Variants in PTPRG observed in about 807,000 individuals in gnomAD.
PTPRG encodes the protein protein tyrosine phosphatase receptor type G, also known as receptor-type tyrosine-protein phosphatase gamma.
In PTPRG, 102 loss-of-function variants were observed where a neutral mutation model predicts 165.3. That is an observed-to-expected ratio of 0.62 (90% CI 0.53 to 0.73). The LOEUF (loss-of-function observed/expected upper bound fraction) is 0.73, where lower values mean the gene tolerates loss of function less well. Among genes scored for constraint, PTPRG ranks in the 30% least tolerant of loss-of-function variants. PTPRG has a pLI of 0.00. For missense variants in PTPRG, 1,866 were observed against 1,861.4 expected, an observed-to-expected ratio of 1.00 and a Z score of -0.05; for synonymous variants, 675 against 669.5, an observed-to-expected ratio of 1.01 and a Z score of -0.13.
chr3:61,958,475 A>G (rs1308131212), intron 2 of PTPRG, among the ~76,000 whole-genome samples: 3 of 152,156 alleles, frequency 2.0e-5, no homozygotes, highest in Non-Finnish European at 4.4e-5. Flanking sequence ...CAACCTAGTA[A>G]TGCTGCCTGT....
chr3:62,022,105 A>C (rs1381041427), intron 4 of PTPRG, among the ~76,000 whole-genome samples: 1 of 152,156 alleles, frequency 6.6e-6, no homozygotes, highest in East Asian at 1.9e-4. Flanking sequence ...GAAAACTCAC[A>C]GCCAAGGCTG....
At chr3:61,578,785 C>A (rs1700220258) in intron 1 of PTPRG, among the ~76,000 whole-genome samples, 1 of 152,270 alleles carries the variant, frequency 6.6e-6, no homozygotes, top group South Asian at 2.1e-4. Flanking sequence ...GGGAGGGATG[C>A]AAAGGCACAG....
chr3:61,645,020 C>G (rs1439150318), intron 1 of PTPRG, among the ~76,000 whole-genome samples: 1 of 152,108 alleles, frequency 6.6e-6, no homozygotes, highest in East Asian at 1.9e-4. Context: ...TGAAGAGGCT[C>G]CTGATCTTGG....
At chr3:61,970,079 CATAA>C (rs1484033569) in intron 2 of PTPRG, among the ~76,000 whole-genome samples, 1 of 152,072 alleles carries the variant, frequency 6.6e-6, no homozygotes, top group Non-Finnish European at 1.5e-5. Flanking sequence ...TGACATCAGT[CATAA>C]ATATTCTTAA....
chr3:61,964,876 C>T (rs922938492), intron 2 of PTPRG, among the ~76,000 whole-genome samples: 4 of 152,030 alleles, frequency 2.6e-5, no homozygotes, highest in African/African-American at 7.2e-5. Context: ...GAAACGCAGT[C>T]TAGATTAGTA....
chr3:61,594,750 T>C (rs1700654238), intron 1 of PTPRG, among the ~76,000 whole-genome samples: 1 of 152,320 alleles, frequency 6.6e-6, no homozygotes, highest in Non-Finnish European at 1.5e-5. Context: ...TGCATGTTGG[T>C]AATTTATATA....
At chr3:62,126,530 A>T (rs1703298509) in intron 5 of PTPRG, among the ~76,000 whole-genome samples, 1 of 152,198 alleles carries the variant, frequency 6.6e-6, no homozygotes, top group Non-Finnish European at 1.5e-5. Flanking sequence ...TCATTTGCCG[A>T]TGGAAACCAG....
chr3:61,996,205 C>A (rs1385016445), intron 3 of PTPRG, among the ~76,000 whole-genome samples: 1 of 152,142 alleles, frequency 6.6e-6, no homozygotes, highest in Non-Finnish European at 1.5e-5. Context: ...CCTCTCTTAT[C>A]CCTGATAATA....
At chr3:61,945,453 G>C (rs964977498) in intron 2 of PTPRG, among the ~76,000 whole-genome samples, 2 of 151,008 alleles carry the variant, frequency 1.3e-5, no homozygotes, top group African/African-American at 2.4e-5. Context: ...CAGCTACTCG[G>C]GAGGCTGCGG....
intron 1 of PTPRG, among the ~76,000 whole-genome samples, chr3:61,615,337 T>A (rs4688643): frequency 1.3e-5 from 2 of 152,034 alleles, no homozygotes; most frequent in Admixed American, 1.3e-4. Flanking sequence ...TCGATACTTT[T>A]GAAGGTAACA....
chr3:62,038,019 T>C (rs1700006574), intron 4 of PTPRG, among the ~76,000 whole-genome samples: 3 of 152,134 alleles, frequency 2.0e-5, no homozygotes. Context: ...AGCCTTGATA[T>C]GTTGGAAGGA....
intron 4 of PTPRG, among the ~76,000 whole-genome samples, chr3:62,069,668 T>A (rs867554999): frequency 5.8e-5 from 7 of 120,066 alleles, no homozygotes; most frequent in African/African-American, 2.5e-4. Context: ...TCTCTCTCTC[T>A]CTCTCTCTCT....
At chr3:61,570,984 G>A (rs140416203) in intron 1 of PTPRG, among the ~76,000 whole-genome samples, 18 of 152,078 alleles carry the variant, frequency 1.2e-4, no homozygotes, top group African/African-American at 4.3e-4. Context: ...CTCTTATTCA[G>A]AATCCACACC....
chr3:62,102,949 T>G (rs946828688), intron 5 of PTPRG, among the ~76,000 whole-genome samples: 1 of 152,208 alleles, frequency 6.6e-6, no homozygotes, highest in African/African-American at 2.4e-5. Flanking sequence ...TCCTCTAGAT[T>G]ATTTAGTGCA....
chr3:61,938,161 G>A (rs1156975586), intron 2 of PTPRG, among the ~76,000 whole-genome samples: 2 of 150,396 alleles, frequency 1.3e-5, no homozygotes, highest in African/African-American at 2.4e-5. Context: ...AACTAAATCC[G>A]AATGAGTCAT....
At chr3:62,129,667 T>A (rs559224605) in intron 5 of PTPRG, among the ~76,000 whole-genome samples, 3 of 152,274 alleles carry the variant, frequency 2.0e-5, no homozygotes, top group Non-Finnish European at 4.4e-5. Flanking sequence ...CCTAGTCACT[T>A]CTTAAAGGTC....
intron 1 of PTPRG, among the ~76,000 whole-genome samples, chr3:61,724,217 C>CAAAAAAAA (rs1260061643): frequency 0.13 from 17,168 of 127,220 alleles, 1,856 homozygotes; most frequent in East Asian, 0.44. Context: ...CTCCCATCTC[C>CAAAAAAAA]AAAAAAAAAA....
intron 2 of PTPRG, among the ~76,000 whole-genome samples, chr3:61,874,566 G>C (rs1407510799): frequency 6.6e-6 from 1 of 151,596 alleles, no homozygotes; most frequent in South Asian, 2.1e-4. Flanking sequence ...TAAATTCGTA[G>C]AAATTGATCT....
At chr3:61,692,574 C>A (rs1473286019) in intron 1 of PTPRG, among the ~76,000 whole-genome samples, 1 of 152,028 alleles carries the variant, frequency 6.6e-6, no homozygotes, top group African/African-American at 2.4e-5. Context: ...AAAAGAGAGT[C>A]AGCGAGGCGA....
Sources: allele counts gnomAD v4.1 joint callset (sites outside exome capture counted in the v4.1 genomes callset), GRCh38; gene constraint gnomAD v4.1.1; transcripts MANE v1.5; gene names NCBI Gene and HGNC (gene_info 2026-07-23, HGNC 2026-07-21).